DLG2: variants seen among roughly 807,000 people sequenced by gnomAD.
DLG2 encodes the protein discs large MAGUK scaffold protein 2.
A neutral mutation model predicts 132.5 loss-of-function variants in DLG2; 45 were observed. That is an observed-to-expected ratio of 0.34 (90% CI 0.27 to 0.44). The LOEUF is 0.44. Ranked by LOEUF, DLG2 falls within the 20% of genes least tolerant of loss-of-function variation. The pLI, the probability that DLG2 is intolerant of heterozygous loss-of-function variation, is 1.00. For missense variants in DLG2, 1,045 were observed against 1,196.9 expected (o/e 0.87, Z 1.87); for synonymous variants, 424 against 419.6 (o/e 1.01, Z -0.13).
chr11:83,637,299 A>G (rs2065105178), intron 18 of DLG2, among the ~76,000 whole-genome samples: 1 of 152,148 alleles, frequency 6.6e-6, no homozygotes, highest in South Asian at 2.1e-4. Flanking sequence ...AATTCATAAC[A>G]CTGTCTTGAT....
chr11:84,941,582 G>A (rs762013533), intron 6 of DLG2, among the ~76,000 whole-genome samples: 19 of 151,698 alleles, frequency 1.3e-4, no homozygotes, highest in Non-Finnish European at 2.5e-4. Flanking sequence ...GATCCCCCTT[G>A]ATCACAACGA....
intron 17 of DLG2, among the ~76,000 whole-genome samples, chr11:83,809,846 C>T (rs988524334): frequency 1.3e-5 from 2 of 151,996 alleles, no homozygotes; most frequent in African/African-American, 4.8e-5. Context: ...GATGTGAAAA[C>T]CATGAATATT....
intron 10 of DLG2, among the ~76,000 whole-genome samples, chr11:84,088,300 T>C (rs1434292806): frequency 6.6e-6 from 1 of 151,998 alleles, no homozygotes; most frequent in East Asian, 1.9e-4. Flanking sequence ...TTAATATTTG[T>C]CTACAGTGTG....
intron 4 of DLG2, among the ~76,000 whole-genome samples, chr11:85,186,812 G>A (rs1486792399): frequency 6.6e-6 from 1 of 151,846 alleles, no homozygotes; most frequent in Non-Finnish European, 1.5e-5. Context: ...TCTCAGGCTC[G>A]GGTTTCAAGT....
chr11:84,635,542 A>C (rs2099639209), intron 6 of DLG2, among the ~76,000 whole-genome samples: 5 of 152,110 alleles, frequency 3.3e-5, no homozygotes, highest in Admixed American at 3.3e-4. Flanking sequence ...AAGTATAATT[A>C]TTATTATTTA....
chr11:83,501,161 T>C (rs1296026273), intron 21 of DLG2, among the ~76,000 whole-genome samples: 2 of 152,020 alleles, frequency 1.3e-5, no homozygotes, highest in African/African-American at 2.4e-5. Flanking sequence ...GTTGGTCACA[T>C]TGCTAATTTC....
At chr11:85,064,607 G>C (rs908719760) in intron 6 of DLG2, among the ~76,000 whole-genome samples, 1 of 151,734 alleles carries the variant, frequency 6.6e-6, no homozygotes, top group African/African-American at 2.4e-5. Context: ...AAAGGGGTGC[G>C]ATAGTTAGTT....
chr11:84,658,078 A>G (rs1200300889), intron 6 of DLG2, among the ~76,000 whole-genome samples: 1 of 152,176 alleles, frequency 6.6e-6, no homozygotes, highest in Admixed American at 6.6e-5. Context: ...AAAATGGGGA[A>G]TACAGTGGGT....
chr11:85,287,874 T>G (rs535867436), intron 3 of DLG2, among the ~76,000 whole-genome samples: 28 of 152,202 alleles, frequency 1.8e-4, no homozygotes, highest in Admixed American at 5.9e-4. Flanking sequence ...TAAAGCAAGT[T>G]GCAATATGAA....
chr11:85,277,220 A>T (rs1374415339), intron 4 of DLG2, among the ~76,000 whole-genome samples: 3 of 152,180 alleles, frequency 2.0e-5, no homozygotes, highest in Non-Finnish European at 4.4e-5. Context: ...AGGTAGAGCT[A>T]CAAGAGGAAA....
At chr11:84,776,856 A>G (rs960661167) in intron 6 of DLG2, among the ~76,000 whole-genome samples, 3 of 152,166 alleles carry the variant, frequency 2.0e-5, no homozygotes, top group South Asian at 2.1e-4. Context: ...TAAATCTGCT[A>G]TAAGTATTAT....
At chr11:85,266,452 C>T (rs1260220392) in intron 4 of DLG2, among the ~76,000 whole-genome samples, 1 of 152,032 alleles carries the variant, frequency 6.6e-6, no homozygotes, top group Non-Finnish European at 1.5e-5. Flanking sequence ...CACAGTAGGG[C>T]CTGTTGGGGG....
At chr11:85,470,253 G>GA (rs201076582) in intron 3 of DLG2, among the ~76,000 whole-genome samples, 1,776 of 136,748 alleles carry the variant, frequency 0.013, 11 homozygotes, top group Middle Eastern at 0.019. Flanking sequence ...ATTTAAAATA[G>GA]AAAAAAAAAC....
chr11:84,228,695 A>G (rs2097045993), intron 8 of DLG2, among the ~76,000 whole-genome samples: 1 of 152,232 alleles, frequency 6.6e-6, no homozygotes, highest in African/African-American at 2.4e-5. Context: ...TCATAAACAC[A>G]GGTAAGATAA....
chr11:84,492,952 G>C (rs899242773), intron 7 of DLG2, among the ~76,000 whole-genome samples: 2 of 152,068 alleles, frequency 1.3e-5, no homozygotes, highest in African/African-American at 4.8e-5. Flanking sequence ...TAATGGTCAG[G>C]TTCCTGATGT....
At chr11:85,552,095 G>GAAAAAAAAA (rs764172663) in intron 3 of DLG2, among the ~76,000 whole-genome samples, 1 of 64,182 alleles carries the variant, frequency 1.6e-5, no homozygotes, top group Admixed American at 1.7e-4. Flanking sequence ...GGACTTAAAA[G>GAAAAAAAAA]AAAAAAAAAA....
At chr11:85,501,789 G>C (rs1166778104) in intron 3 of DLG2, among the ~76,000 whole-genome samples, 1 of 152,112 alleles carries the variant, frequency 6.6e-6, no homozygotes, top group Non-Finnish European at 1.5e-5. Context: ...GAGAGGTTGT[G>C]AAAAATAGGA....
intron 7 of DLG2, among the ~76,000 whole-genome samples, chr11:84,424,179 A>T (rs1364662880): frequency 6.6e-6 from 1 of 152,132 alleles, no homozygotes; most frequent in Non-Finnish European, 1.5e-5. Context: ...CTCTGGTAAG[A>T]TCAACTGCTT....
chr11:83,772,372 T>G (rs890265960), intron 18 of DLG2, among the ~76,000 whole-genome samples: 1 of 149,682 alleles, frequency 6.7e-6, no homozygotes, highest in East Asian at 2.0e-4. Flanking sequence ...TTTGCATCAC[T>G]GCACTCCAGC....
Sources: allele counts gnomAD v4.1 joint callset (sites outside exome capture counted in the v4.1 genomes callset), GRCh38; gene constraint gnomAD v4.1.1; transcripts MANE v1.5; gene names NCBI Gene and HGNC (gene_info 2026-07-23, HGNC 2026-07-21).